SRRM5: variants seen among roughly 807,000 people sequenced by gnomAD.
The protein encoded by SRRM5 is serine/arginine repetitive matrix protein 5.
Under a neutral mutation model 1.3 loss-of-function variants are expected in SRRM5, and 1 was observed. The observed-to-expected ratio is 0.76, with a 90% CI of 0.27 to 3.59. The LOEUF is 3.59. Ranked by LOEUF, SRRM5 falls within the 30% of genes most tolerant of loss-of-function variation. The pLI is 0.19. For missense variants in SRRM5, 875 were observed against 914.5 expected (o/e 0.96, Z 0.56); for synonymous variants, 275 against 320.2 (o/e 0.86, Z 1.51).
chr19:43,613,122 G>A lies in SRRM5; in HGVS notation c.1001G>A (p.Ser334Asn), dbSNP rs868213955. Residue 334 changes from serine to asparagine, a missense_variant, in exon 1 of 1, where the codon AGC (serine) becomes AAC (asparagine). By Grantham distance (46) the Ser-to-Asn change is conservative. Transcript: ENST00000417606. Reference protein sequence around the residue: ...SQMGRHSQSRSHSKGKSQNQS... With the variant: ...SQMGRHSQSRNHSKGKSQNQS... Reference sequence around the variant, plus strand: ...ATGGGAAGACACAGCCAGTCTAGAAGCCACAGCAAGGGGAAAAGTCAAAAC... The same window carrying A: ...ATGGGAAGACACAGCCAGTCTAGAAACCACAGCAAGGGGAAAAGTCAAAAC... The A allele has an allele frequency of 1.3e-6, 2 of 1,551,698 alleles. No homozygotes were observed. Among genetic ancestry groups the A allele is most frequent in the Non-Finnish European group, 1.7e-6 (2 of 1,147,008 alleles).
chr19:43,614,313 G>A lies in SRRM5; in HGVS notation c.*44G>A, dbSNP rs755100644. 9 of 1,594,516 alleles carry A rather than the reference G, an allele frequency of 5.6e-6. No homozygotes were observed. The African/African-American group carries it at 9.4e-5, about 17-fold the overall frequency. On this transcript the variant is annotated 3_prime_UTR_variant, in exon 1 of 1. Transcript: ENST00000417606. The stretch of plus-strand genomic sequence containing the variant: ...TCACGGGTCTCTGTCATGACCGGGG[G>A]AGGGGACAGGAGACAGGAGCAGAGC...
Position 43,612,740 on chromosome 19 carries a change from AGTTCCGAGCTGGCT to A in SRRM5, c.622_635del (p.Ser208AsnfsTer20). 8 of 1,551,646 alleles carry A rather than the reference AGTTCCGAGCTGGCT, an allele frequency of 5.2e-6. No homozygotes were observed. Among genetic ancestry groups the A allele is most frequent in the Non-Finnish European group, 7.0e-6 (8 of 1,146,990 alleles). Reference sequence around the variant, plus strand: ...ACCAGGAGGCTCAGGTATAGGGAGGAGTTCCGAGCTGGCTGTAACTCCCAGTACAGCCAAGTGTC... The same window carrying A: ...ACCAGGAGGCTCAGGTATAGGGAGGAGTAACTCCCAGTACAGCCAAGTGTC... On this transcript the variant is annotated frameshift_variant, in exon 3 of 3. Transcript: ENST00000607544. LOFTEE classifies it low-confidence loss of function (END_TRUNC). This position sits in a 1 kb window ranked among gnomAD's most constrained non-coding sequence, Gnocchi z 4.2.
rs1373585044 is a variant in SRRM5, at chr19:43,614,482, C to T, written c.*213C>T. The stretch of plus-strand genomic sequence containing the variant: ...CCTGTGATGATTCAATAAATTTTTA[C>T]ATAGCACCCATCCCCACCAAGCCCA... On this transcript the variant is annotated 3_prime_UTR_variant, in exon 1 of 1. Transcript: ENST00000417606. 8 of 1,422,870 alleles carry T rather than the reference C, an allele frequency of 5.6e-6. No homozygotes were observed. The highest frequency in any genetic ancestry group is 2.4e-4 in the Middle Eastern group (1 of 4,228). The allele number at this position is 1,422,870 out of a possible 1,614,324, so 88.1% of individuals were successfully genotyped here.
chr19:43,614,210 A>T lies in SRRM5; in HGVS notation c.2089A>T (p.Thr697Ser). The T allele has an allele frequency of 1.9e-6, 3 of 1,614,016 alleles. No homozygotes were observed. In the South Asian group the frequency reaches 3.3e-5, roughly 18 times the overall value. The change falls in exon 1 of 1, where the codon ACC (threonine) becomes TCC (serine). Residue 697 changes from threonine (T) to serine (S), a missense_variant. Physicochemically the swap from Thr to Ser is moderately conservative, Grantham distance 58. Transcript: ENST00000417606. Reference protein sequence around the residue: ...SQDDSQADATTSKATLPGERS... With the variant: ...SQDDSQADATSSKATLPGERS... Reference sequence around the variant, plus strand: ...GGATGACAGTCAAGCCGACGCCACCACCTCTAAGGCCACCTTACCTGGGGA... The same window carrying T: ...GGATGACAGTCAAGCCGACGCCACCTCCTCTAAGGCCACCTTACCTGGGGA...
In SRRM5 at chr19:43,613,485, C is replaced by G. The variant is rs1262420909; in HGVS notation, c.1364C>G (p.Pro455Arg). ...AGAGATCGCAGCCGATCTAGAAGTC[C>G]CAACAAGGCAAGAGATCATAGCCGA... ...KARDRSRSRS[P>R]NKARDHSRSR... Residue 455 changes from proline (P) to arginine (R), a missense_variant, in exon 1 of 1, where the codon CCC becomes CGC. Physicochemically the swap from Pro to Arg is moderately radical, Grantham distance 103. Coordinates refer to ENST00000417606, the MANE Select transcript of SRRM5 (RefSeq NM_001145641.2). The G allele has an allele frequency of 6.5e-7, 1 of 1,544,860 alleles. No homozygotes were observed. The highest frequency in any genetic ancestry group is 1.5e-5 in the African/African-American group (1 of 68,654).
Position 43,612,114 on chromosome 19 carries a change from C to G in SRRM5, c.-8C>G, listed in dbSNP as rs866864503. ...ACTTCCAGGACCACAAGCCCTTTTG[C>G]GCCCACCATGTCTTCACCTAAGAGA... On this transcript the variant is annotated 5_prime_UTR_variant, in exon 1 of 1. Transcript: ENST00000417606. This position sits in a 1 kb window ranked among gnomAD's most constrained non-coding sequence, Gnocchi z 4.2. The G allele has an allele frequency of 1.3e-6, 2 of 1,547,526 alleles. No homozygotes were observed. Among genetic ancestry groups the G allele is most frequent in the Non-Finnish European group, 1.7e-6 (2 of 1,143,562 alleles).
rs758465774 is a variant in SRRM5 at position 43,614,213 on chromosome 19, T to G, written c.2092T>G (p.Ser698Ala). The G allele has an allele frequency of 6.2e-7, 1 of 1,614,138 alleles. No individual in the cohort carries two copies. Among genetic ancestry groups the G allele is most frequent in the Non-Finnish European group, 8.5e-7 (1 of 1,180,014 alleles). ...TGACAGTCAAGCCGACGCCACCACCTCTAAGGCCACCTTACCTGGGGAAAG... is the reference window on the plus strand; with the variant it reads ...TGACAGTCAAGCCGACGCCACCACCGCTAAGGCCACCTTACCTGGGGAAAG... ...QDDSQADATT[S>A]KATLPGERSS... The change falls in exon 1 of 1, where the codon TCT becomes GCT. Residue 698 changes from serine to alanine, a missense_variant. Coordinates refer to ENST00000417606, the MANE Select transcript of SRRM5 (RefSeq NM_001145641.2).
Position 43,614,035 on chromosome 19 carries a change from G to A in SRRM5, c.1914G>A (p.Glu638=), listed in dbSNP as rs913691751. 9.7e-6 allele frequency: 15 copies of A among 1,551,872 alleles called. No homozygotes were observed. Among genetic ancestry groups the A allele is most frequent in the Admixed American group, 5.9e-5 (3 of 50,988 alleles). ...GCCAATCTAGAACCTCTAGCAAGGA[G>A]AGCGACCCCAGTCAATCTACAGTCC... ...NHSQSRTSSK[E]SDPSQSTVPR... Residue 638 remains glutamate (E), a synonymous_variant, in exon 1 of 1, where the codon GAG becomes GAA. Coordinates refer to ENST00000417606, the MANE Select transcript of SRRM5 (RefSeq NM_001145641.2).
rs765655335 is a variant in SRRM5 at position 43,614,304 on chromosome 19, T to C, written c.*35T>C. On this transcript the variant is annotated 3_prime_UTR_variant, in exon 1 of 1. Coordinates refer to ENST00000417606, the MANE Select transcript of SRRM5 (RefSeq NM_001145641.2). ...TCAGCTGGCTCACGGGTCTCTGTCA[T>C]GACCGGGGGAGGGGACAGGAGACAG... 6.2e-7 allele frequency: 1 copy of C among 1,604,220 alleles called. No homozygotes were observed. Among genetic ancestry groups the C allele is most frequent in the Non-Finnish European group, 8.5e-7 (1 of 1,174,756 alleles).
In SRRM5 at chr19:43,612,850, G is replaced by A; in HGVS notation, c.729G>A (p.Lys243=). The A allele has an allele frequency of 1.9e-6, 3 of 1,551,688 alleles. No individual in the cohort carries two copies. Among genetic ancestry groups the A allele is most frequent in the Non-Finnish European group, 2.6e-6 (3 of 1,147,000 alleles). The part of the protein sequence containing the change: ...NPSPSSSRKV[K]SYGQMIIPSR... ...CTCCATCCTCATCAAGGAAGGTGAA[G>A]AGCTACGGTCAGATGATCATCCCCA... is the stretch of plus-strand genomic sequence containing the variant. Residue 243 remains lysine, a synonymous_variant, in exon 1 of 1, where the codon AAG becomes AAA. Coordinates refer to ENST00000417606, the MANE Select transcript of SRRM5 (RefSeq NM_001145641.2). This position sits in a 1 kb window ranked among gnomAD's most constrained non-coding sequence, Gnocchi z 4.2.
chr19:43,612,612 A>G lies in SRRM5; in HGVS notation c.491A>G (p.Gln164Arg). 1.3e-6 allele frequency: 2 copies of G among 1,551,598 alleles called. No individual in the cohort carries two copies. The highest frequency in any genetic ancestry group is 2.4e-5 in the South Asian group (2 of 84,066). Residue 164 changes from glutamine to arginine, a missense_variant, in exon 1 of 1, where the codon CAG (glutamine) becomes CGG (arginine). Transcript: ENST00000417606. This position sits in a 1 kb window ranked among gnomAD's most constrained non-coding sequence, Gnocchi z 4.2. ...AGCAGGGTGAGAACTCCCACTTCAC[A>G]GCAAAAAGGGAGCCGGGGAAAGAGT... ...MASRVRTPTSQQKGSRGKSYG... is the reference protein window; with the variant it reads ...MASRVRTPTSRQKGSRGKSYG...
Position 43,613,134 on chromosome 19 carries a change from G to A in SRRM5, c.1013G>A (p.Gly338Glu), listed in dbSNP as rs1973322433. The change falls in exon 1 of 1, where the codon GGG (glycine) becomes GAG (glutamate). Residue 338 changes from glycine (G) to glutamate (E), a missense_variant. By Grantham distance (98) the Gly-to-Glu change is moderately conservative (BLOSUM62 -2). Coordinates refer to ENST00000417606, the MANE Select transcript of SRRM5 (RefSeq NM_001145641.2). ...RHSQSRSHSKGKSQNQSRTPR... is the reference protein window; with the variant it reads ...RHSQSRSHSKEKSQNQSRTPR... ...AGCCAGTCTAGAAGCCACAGCAAGG[G>A]GAAAAGTCAAAACCAATCTAGAACC... 1.3e-6 allele frequency: 2 copies of A among 1,551,410 alleles called. No homozygotes were observed. The highest frequency in any genetic ancestry group is 1.4e-5 in the African/African-American group (1 of 72,984).
rs1313829559 is a variant in SRRM5, at chr19:43,614,051, T to C, written c.1930T>C (p.Ser644Pro). 43 of 1,552,702 alleles carry C rather than the reference T, an allele frequency of 2.8e-5. No individual in the cohort carries two copies. The highest frequency in any genetic ancestry group is 3.7e-5 in the Non-Finnish European group (42 of 1,147,616). ...TSSKESDPSQSTVPRSPDWKR... is the reference protein window; with the variant it reads ...TSSKESDPSQPTVPRSPDWKR... ...TAGCAAGGAGAGCGACCCCAGTCAA[T>C]CTACAGTCCCCAGAAGTCCCGACTG... Residue 644 changes from serine to proline, a missense_variant, in exon 1 of 1, where the codon TCT becomes CCT. Transcript: ENST00000417606.
chr19:43,613,294 A>G lies in SRRM5; in HGVS notation c.1173A>G (p.Gln391=). The G allele has an allele frequency of 6.4e-7, 1 of 1,551,576 alleles. No individual in the cohort carries two copies. Among genetic ancestry groups the G allele is most frequent in the Non-Finnish European group, 8.7e-7 (1 of 1,146,978 alleles). ...CCAGGAAGGAGAGTGGTCGCAGTCA[A>G]TCAGGAAGCCCCAACAAGCAGAGAG... The part of the protein sequence containing the change: ...SSPRKESGRS[Q]SGSPNKQRDH... Residue 391 remains glutamine (Q), a synonymous_variant, in exon 1 of 1, where the codon CAA becomes CAG. Transcript: ENST00000417606.
chr19:43,612,660 A>AC lies in SRRM5; in HGVS notation c.540dup (p.Arg181GlnfsTer5). On this transcript the variant is annotated frameshift_variant, in exon 3 of 3. Coordinates refer to the SRRM5 transcript ENST00000607544. LOFTEE classifies it low-confidence loss of function (END_TRUNC). This position sits in a 1 kb window ranked among gnomAD's most constrained non-coding sequence, Gnocchi z 4.2. ...AGTTACGGCCGGCCTAGAACCAGCA[A>AC]CAGGGAAAGGAGTGACAGCCAGCCT... 1 of 1,551,470 alleles carries AC rather than the reference A, an allele frequency of 6.4e-7. No homozygotes were observed. The highest frequency in any genetic ancestry group is 8.7e-7 in the Non-Finnish European group (1 of 1,146,966).
In SRRM5 at chr19:43,612,193, G is replaced by A. The variant is rs759429839; in HGVS notation, c.72G>A (p.Ala24=). The change falls in exon 1 of 1, where the codon GCG becomes GCA. Residue 24 remains alanine, a synonymous_variant. Coordinates refer to ENST00000417606, the MANE Select transcript of SRRM5 (RefSeq NM_001145641.2). This position sits in a 1 kb window ranked among gnomAD's most constrained non-coding sequence, Gnocchi z 4.2. ...CCAGTGGATCCTCCATGCCCACTGC[G>A]GATCCCAAGCCTCCTGCCTCCTTGA... The part of the protein sequence containing the change: ...LAPSGSSMPT[A]DPKPPASLKS... The A allele has an allele frequency of 1.2e-4, 183 of 1,551,534 alleles. No individual in the cohort carries two copies. Among genetic ancestry groups the A allele is most frequent in the Middle Eastern group, 8.3e-4 (5 of 6,014 alleles).
At position 43,613,415 on chromosome 19, in the gene SRRM5, A is replaced by T. The variant is rs906041012; in HGVS notation, c.1294A>T (p.Asn432Tyr). 1.2e-5 allele frequency: 19 copies of T among 1,530,192 alleles called. No homozygotes were observed. Among genetic ancestry groups the T allele is most frequent in the South Asian group, 3.6e-5 (3 of 83,042 alleles). The allele number at this position is 1,530,192 out of a possible 1,614,324, so 94.8% of individuals were successfully genotyped here. A position where few individuals can be genotyped will look rare whatever the true frequency, so the allele number is the denominator to read the frequency against. ...AGATCGCAGCCGATCTAGAAGTCCC[A>T]ACAAGGCGAGAGATTGCAGCCGATC... ...ARDRSRSRSPNKARDCSRSRS... is the reference protein window; with the variant it reads ...ARDRSRSRSPYKARDCSRSRS... Residue 432 changes from asparagine to tyrosine, a missense_variant, in exon 1 of 1, where the codon AAC becomes TAC. Transcript: ENST00000417606.
Position 43,614,451 on chromosome 19 carries a change from G to C in SRRM5, c.*182G>C. 1 of 1,440,178 alleles carries C rather than the reference G, an allele frequency of 6.9e-7. No homozygotes were observed. Among genetic ancestry groups the C allele is most frequent in the Non-Finnish European group, 9.1e-7 (1 of 1,101,598 alleles). 89.2% of individuals were successfully genotyped at this position (1,440,178 alleles called of 1,614,324 possible). ...AGAGGGATGCTGGATAGGGGGAAAG[G>C]AAAGACCTGTGATGATTCAATAAAT... On this transcript the variant is annotated 3_prime_UTR_variant, in exon 1 of 1. Coordinates refer to ENST00000417606, the MANE Select transcript of SRRM5 (RefSeq NM_001145641.2).
At position 43,614,354 on chromosome 19, in the gene SRRM5, T is replaced by C; in HGVS notation, c.*85T>C. On this transcript the variant is annotated 3_prime_UTR_variant, in exon 1 of 1. Transcript: ENST00000417606. ...GGAGCAGAGCAGCAGCTGAGCAGCG[T>C]CCCTCCCCGGCCAGCTCTCCACAGC... is the stretch of plus-strand genomic sequence containing the variant. The C allele has an allele frequency of 6.5e-7, 1 of 1,547,946 alleles. No homozygotes were observed. The highest frequency in any genetic ancestry group is 8.7e-7 in the Non-Finnish European group (1 of 1,149,934).
Sources: allele counts gnomAD v4.1 joint callset, GRCh38; gene constraint gnomAD v4.1.1; non-coding constraint Gnocchi (gnomAD v3.1); transcripts MANE v1.5; gene names NCBI Gene and HGNC (gene_info 2026-07-23, HGNC 2026-07-21).